The following CDH26 variants were observed in gnomAD, a reference collection of about 807,000 sequenced individuals.
The protein encoded by CDH26 is cadherin 26, also known as cadherin-like protein 26.
CDH26 carries 83 observed loss-of-function variants against 90.3 expected under a neutral mutation model. That is an observed-to-expected ratio of 0.92 (90% confidence interval 0.77 to 1.10). The LOEUF is 1.10. CDH26 is among the 50% of genes least tolerant of loss of function. The pLI, the probability that CDH26 is intolerant of heterozygous loss-of-function variation, is 0.00. For missense variants in CDH26, 1,013 were observed against 1,037.6 expected, an observed-to-expected ratio of 0.98 and a Z score of 0.33; for synonymous variants, 397 against 396.3, an observed-to-expected ratio of 1.00 and a Z score of -0.02.
Position 60,014,201 on chromosome 20 carries a change from G to A in CDH26, c.*1471G>A, listed in dbSNP as rs752020461. The A allele has an allele frequency of 6.6e-6, 1 of 151,806 alleles. No homozygotes were observed. Among genetic ancestry groups the A allele is most frequent in the African/African-American group, 2.4e-5 (1 of 41,300 alleles). 9.4% of individuals were successfully genotyped at this position (151,806 alleles called of 1,614,324 possible). ...ATATAATAATTGTACATATTTAGGG[G>A]GTACATAGTCATGTTTCAATACATT... On this transcript the variant is annotated 3_prime_UTR_variant, in exon 18 of 18. Transcript: ENST00000348616.
At chr20:59,980,251 A>G (rs534447439) in intron 4 of CDH26, among the ~76,000 whole-genome samples, 2 of 151,262 alleles carry the variant, frequency 1.3e-5, no homozygotes, top group South Asian at 4.2e-4. Flanking sequence ...TTTTTTGGAG[A>G]GGTGTCTGTT....
chr20:60,028,079 T>C (rs2062012660), intron 7 of CDH26, among the ~76,000 whole-genome samples: 1 of 152,160 alleles, frequency 6.6e-6, no homozygotes, highest in Non-Finnish European at 1.5e-5. Context: ...ATGCATTAAG[T>C]TCTGCACTGT....
chr20:60,016,375 G>A (rs2061905643), downstream of CDH26, among the ~76,000 whole-genome samples: 3 of 151,954 alleles, frequency 2.0e-5, no homozygotes, highest in Admixed American at 6.5e-5. Context: ...GTTTTTTGTA[G>A]TTATTGTAAA....
chr20:60,007,241 G>A (rs2061766550), intron 17 of CDH26, among the ~76,000 whole-genome samples: 1 of 152,154 alleles, frequency 6.6e-6, no homozygotes, highest in Non-Finnish European at 1.5e-5. Flanking sequence ...ATTTGGAGAG[G>A]GAACACAATT....
chr20:60,034,455 TC>T (rs1368540508), downstream of CDH26, among the ~76,000 whole-genome samples: 1 of 152,162 alleles, frequency 6.6e-6, no homozygotes, highest in Non-Finnish European at 1.5e-5. Context: ...TCAGGAATGT[TC>T]CCTGGCCCTG....
intron 4 of CDH26, among the ~76,000 whole-genome samples, chr20:59,978,214 G>C (rs772532626): frequency 6.6e-6 from 1 of 152,100 alleles, no homozygotes; most frequent in Non-Finnish European, 1.5e-5. Context: ...TGTGCAGGTT[G>C]TCAGGTGCAC....
intron 4 of CDH26, among the ~76,000 whole-genome samples, chr20:59,973,246 T>C (rs1193051111): frequency 6.6e-6 from 1 of 152,228 alleles, no homozygotes; most frequent in Non-Finnish European, 1.5e-5. Context: ...GTGATGCCCA[T>C]GCTGCTGTTC....
chr20:59,991,366 T>C (rs1424245513), intron 9 of CDH26, among the ~76,000 whole-genome samples: 1 of 152,180 alleles, frequency 6.6e-6, no homozygotes, highest in Non-Finnish European at 1.5e-5. Flanking sequence ...TGAGTGTCTT[T>C]TGTGACAGGG....
intron 4 of CDH26, among the ~76,000 whole-genome samples, chr20:59,978,199 A>G (rs748948764): frequency 6.6e-6 from 1 of 152,126 alleles, no homozygotes; most frequent in Non-Finnish European, 1.5e-5. Context: ...AGCTATAAAC[A>G]TGTGTGTGCA....
chr20:59,964,680 T>A (rs1409056335), intron 1 of CDH26, among the ~76,000 whole-genome samples: 1 of 152,186 alleles, frequency 6.6e-6, no homozygotes, highest in Non-Finnish European at 1.5e-5. Context: ...CACAACAATG[T>A]GAAATTTAAG....
At chr20:59,990,642 C>T (rs2061516520) in intron 9 of CDH26, among the ~76,000 whole-genome samples, 1 of 152,150 alleles carries the variant, frequency 6.6e-6, no homozygotes, top group Non-Finnish European at 1.5e-5. Context: ...GTGGACATGA[C>T]AATGCTGATG....
In CDH26 at chr20:59,958,649, G is replaced by A; in HGVS notation, c.-78G>A. The A allele has an allele frequency of 2.9e-6, 4 of 1,375,184 alleles. No individual in the cohort carries two copies. Among genetic ancestry groups the A allele is most frequent in the Non-Finnish European group, 3.1e-6 (3 of 966,404 alleles). 85.2% of individuals were successfully genotyped at this position (1,375,184 alleles called of 1,614,324 possible). A position where few individuals can be genotyped will look rare whatever the true frequency, so the allele number is the denominator to read the frequency against. Reference sequence around the variant, plus strand: ...AGAAGCTGCTGGCTGAGAAGGAGGTGTGTGGCTCCGGTGAGACCACCAGCT... The same window carrying A: ...AGAAGCTGCTGGCTGAGAAGGAGGTATGTGGCTCCGGTGAGACCACCAGCT... On this transcript the variant is annotated 5_prime_UTR_variant, in exon 1 of 18. The change creates a new upstream start codon in the 5' untranslated region. Coordinates refer to ENST00000348616, the MANE Select transcript of CDH26 (RefSeq NM_177980.4).
At chr20:59,996,318 A>T in intron 12 of CDH26, 1 of 1,401,192 alleles carries the variant, frequency 7.1e-7, no homozygotes, top group Non-Finnish European at 9.3e-7. Context: ...CTTTGTTTGT[A>T]ATAACCATGG....
Position 59,992,594 on chromosome 20 carries a change from G to A in CDH26, c.1426+74G>A, listed in dbSNP as rs901530711. 3.8e-5 allele frequency: 55 copies of A among 1,455,540 alleles called. No individual in the cohort carries two copies. The African/African-American group carries it at 5.0e-4, about 13-fold the overall frequency. The allele number at this position is 1,455,540 out of a possible 1,614,324, so 90.2% of individuals were successfully genotyped here. On this transcript the variant is annotated intron_variant, in intron 10 of 17. Transcript: ENST00000348616. This position sits in a 1 kb window ranked among gnomAD's most constrained non-coding sequence, Gnocchi z 5.0. ...CTGCGGGAAAATAACCCTGGTGAGC[G>A]TCTTTCAGCACAGCAGAGAAAAGGA... is the stretch of plus-strand genomic sequence containing the variant.
intron 15 of CDH26, chr20:60,001,679 A>G: frequency 1.1e-6 from 1 of 907,310 alleles, no homozygotes; most frequent in Non-Finnish European, 1.3e-6. Flanking sequence ...ACAAATAGAT[A>G]CATTTTCTCA....
intron 7 of CDH26, among the ~76,000 whole-genome samples, chr20:60,024,540 T>TAAAATCCTCA (rs1399033163): frequency 2.0e-5 from 3 of 152,370 alleles, no homozygotes; most frequent in Admixed American, 1.3e-4. Context: ...GTCAAACCAT[T>TAAAATCCTCA]AAAATCCTCA....
chr20:60,003,172 A>C (rs1285341843), intron 16 of CDH26, among the ~76,000 whole-genome samples: 5 of 152,290 alleles, frequency 3.3e-5, no homozygotes, highest in African/African-American at 1.2e-4. Flanking sequence ...GACCTATAGA[A>C]ATTTTGAGCT....
intron 15 of CDH26, 86 bp downstream of exon 15, chr20:60,001,497 A>G: frequency 1.3e-6 from 2 of 1,541,334 alleles, no homozygotes; most frequent in Non-Finnish European, 1.8e-6. Context: ...GTTGTAGAAG[A>G]TTCGGTGATA....
Position 59,985,195 on chromosome 20 carries a change from G to A in CDH26, c.837+66G>A, listed in dbSNP as rs993808883. 18 of 1,584,588 alleles carry A rather than the reference G, an allele frequency of 1.1e-5. No homozygotes were observed. The African/African-American group carries it at 2.3e-4, about 20-fold the overall frequency. Reference sequence around the variant, plus strand: ...AAGTAGCCCTTGGGTCCTAGGCTCAGTTTTTCTCAGAGAGGGTGTTAGGCT... The same window carrying A: ...AAGTAGCCCTTGGGTCCTAGGCTCAATTTTTCTCAGAGAGGGTGTTAGGCT... On this transcript the variant is annotated intron_variant, in intron 7 of 17. Coordinates refer to ENST00000348616, the MANE Select transcript of CDH26 (RefSeq NM_177980.4).
Sources: gnomAD v4.1 joint callset for allele counts (sites outside exome capture counted in the v4.1 genomes callset) on GRCh38, gnomAD v4.1.1 for gene constraint, Gnocchi (gnomAD v3.1) non-coding constraint, MANE v1.5 for transcripts, NCBI Gene and HGNC (gene_info 2026-07-23, HGNC 2026-07-21) for gene names.